The following CALN1 variants were observed in gnomAD, a reference collection of about 807,000 sequenced individuals.
CALN1 encodes calneuron 1.
A neutral mutation model predicts 30.6 loss-of-function variants in CALN1; 17 were observed. The ratio of observed to expected loss-of-function variants is 0.56; its 90% CI spans 0.38 to 0.83. CALN1 has a LOEUF of 0.83. Among genes scored for constraint, CALN1 ranks in the 40% least tolerant of loss-of-function variants. The probability of loss-of-function intolerance (pLI) is 0.00; values close to 1 mark genes in which losing one functional copy is unlikely to be tolerated. For synonymous variants in CALN1, 156 were observed against 131.4 expected (o/e 1.19, Z -1.28); for missense variants, 291 against 354.9 (o/e 0.82, Z 1.45).
intron 4 of CALN1, among the ~76,000 whole-genome samples, chr7:72,103,678 G>A (rs901419316): frequency 7.9e-5 from 12 of 152,082 alleles, no homozygotes; most frequent in South Asian, 2.1e-4. Context: ...TAAGAAGGGC[G>A]TGGACTAGAC....
In CALN1 at chr7:72,167,747, A is replaced by C. The variant is rs538869328; in HGVS notation, c.245-61453T>G. On this transcript the variant is annotated intron_variant, in intron 3 of 6. Coordinates refer to ENST00000395275, the MANE Select transcript of CALN1 (RefSeq NM_031468.4). ...TTCCCTTAAAGACAGACGTTGGAGAAAATTATTTGTAGGATGCACTTGACA... is the reference window on the plus strand; with the variant it reads ...TTCCCTTAAAGACAGACGTTGGAGACAATTATTTGTAGGATGCACTTGACA... Among the ~76,000 whole-genome samples, 7 of 152,344 alleles carry C rather than the reference A, an allele frequency of 4.6e-5. No homozygotes were observed. In the East Asian group the frequency reaches 1.3e-3, roughly 29 times the overall value.
intron 3 of CALN1, among the ~76,000 whole-genome samples, chr7:72,155,725 T>G (rs374786050): frequency 6.6e-6 from 1 of 152,138 alleles, no homozygotes; most frequent in Non-Finnish European, 1.5e-5. Flanking sequence ...ACCCTAACTC[T>G]ATGGCTTAAA....
intron 5 of CALN1, among the ~76,000 whole-genome samples, chr7:71,936,050 G>A (rs1435269540): frequency 6.6e-6 from 1 of 152,124 alleles, no homozygotes; most frequent in Admixed American, 6.6e-5. Context: ...ATAATACCCT[G>A]GAAGTTCTTC....
At chr7:72,032,507 C>A (rs1801522849) in intron 4 of CALN1, among the ~76,000 whole-genome samples, 1 of 152,130 alleles carries the variant, frequency 6.6e-6, no homozygotes, top group Non-Finnish European at 1.5e-5. Context: ...CTGGTATTAA[C>A]CCCCGTATTG....
intron 5 of CALN1, among the ~76,000 whole-genome samples, chr7:71,973,943 G>A (rs1005181472): frequency 6.6e-6 from 1 of 152,080 alleles, no homozygotes; most frequent in African/African-American, 2.4e-5. Flanking sequence ...AATTACCTTC[G>A]ATATACAAAA....
intron 6 of CALN1, among the ~76,000 whole-genome samples, chr7:71,797,240 ATT>A (rs1786982974): frequency 6.6e-6 from 1 of 152,168 alleles, no homozygotes. Flanking sequence ...AAGTCATATT[ATT>A]TCTGGCAGGG....
At chr7:72,102,936 G>C (rs1806782477) in intron 4 of CALN1, among the ~76,000 whole-genome samples, 1 of 152,032 alleles carries the variant, frequency 6.6e-6, no homozygotes, top group African/African-American at 2.4e-5. Context: ...AGCTGGGCAT[G>C]GTGGTGGGCA....
At chr7:71,867,109 C>T (rs976332061) in intron 5 of CALN1, among the ~76,000 whole-genome samples, 1 of 151,032 alleles carries the variant, frequency 6.6e-6, no homozygotes, top group African/African-American at 2.4e-5. Flanking sequence ...CACACCATTG[C>T]ACTCCAGCCT....
intron 2 of CALN1, among the ~76,000 whole-genome samples, chr7:72,332,272 C>T (rs532122990): frequency 1.3e-5 from 2 of 152,098 alleles, no homozygotes; most frequent in Non-Finnish European, 2.9e-5. Context: ...GTCATATTTA[C>T]ACCCACTTTT....
the CALN1 span, among the ~76,000 whole-genome samples, chr7:72,452,899 C>A: frequency 1.3e-5 from 2 of 152,132 alleles, no homozygotes; most frequent in African/African-American, 4.8e-5. Context: ...GGGCCAGGCT[C>A]TCCAGACCAC....
chr7:72,391,732 T>C (rs1805595556), intron 2 of CALN1, among the ~76,000 whole-genome samples: 5 of 152,020 alleles, frequency 3.3e-5, no homozygotes, highest in Admixed American at 3.3e-4. Context: ...TTTGTTTTTG[T>C]TTTTGCCTGC....
chr7:71,804,058 T>G (rs1787465230), intron 6 of CALN1, among the ~76,000 whole-genome samples: 2 of 152,068 alleles, frequency 1.3e-5, no homozygotes, highest in Non-Finnish European at 2.9e-5. Flanking sequence ...CCATCAAAAG[T>G]GCCACAATCT....
intron 3 of CALN1, among the ~76,000 whole-genome samples, chr7:72,275,541 G>C (rs1585331648): frequency 6.6e-6 from 1 of 152,272 alleles, no homozygotes; most frequent in East Asian, 1.9e-4. Context: ...AAATAAATAA[G>C]TAGAACGAAT....
chr7:72,074,903 T>G lies in CALN1; in HGVS notation c.388+31248A>C, dbSNP rs75627811. Among the ~76,000 whole-genome samples the G allele has an allele frequency of 9.0e-3, 1,373 of 152,356 alleles. 14 individuals are homozygous for G. The highest frequency in any genetic ancestry group is 0.029 in the African/African-American group (1,198 of 41,576). On this transcript the variant is annotated intron_variant, in intron 4 of 6. Transcript: ENST00000395275. ...GTAGATCACACTTCGAAGAAGTTAATAGTCTCATGAGATAAGATCTATAAA... is the reference window on the plus strand; with the variant it reads ...GTAGATCACACTTCGAAGAAGTTAAGAGTCTCATGAGATAAGATCTATAAA...
In CALN1 at chr7:71,787,622, T is replaced by C; in HGVS notation, c.*153A>G. 1 of 1,052,188 alleles carries C rather than the reference T, an allele frequency of 9.5e-7. No homozygotes were observed. The highest frequency in any genetic ancestry group is 2.7e-5 in the Admixed American group (1 of 36,878). 65.2% of individuals were successfully genotyped at this position (1,052,188 alleles called of 1,614,324 possible). On this transcript the variant is annotated 3_prime_UTR_variant, in exon 7 of 7. Coordinates refer to ENST00000395275, the MANE Select transcript of CALN1 (RefSeq NM_031468.4). ...AGATGAAGCTGAAGTGCAACCCCAG[T>C]TGCACTCAACCTTGGGTTCTTTACT... is the stretch of plus-strand genomic sequence containing the variant.
At chr7:71,807,846 TG>T (rs1394358158) in intron 6 of CALN1, among the ~76,000 whole-genome samples, 2 of 151,990 alleles carry the variant, frequency 1.3e-5, no homozygotes, top group Non-Finnish European at 2.9e-5. Context: ...GAGGCCGAGG[TG>T]GGCGGATTAC....
chr7:71,903,321 A>G (rs2116955184), intron 5 of CALN1, among the ~76,000 whole-genome samples: 1 of 152,292 alleles, frequency 6.6e-6, no homozygotes, highest in South Asian at 2.1e-4. Flanking sequence ...AGCTATAGTA[A>G]ACAAAGCAGT....
chr7:72,002,471 C>T (rs1051312767), intron 5 of CALN1, among the ~76,000 whole-genome samples: 10 of 152,104 alleles, frequency 6.6e-5, no homozygotes, highest in Admixed American at 3.3e-4. Context: ...ATACATATCA[C>T]TTTTGCATCA....
intron 4 of CALN1, among the ~76,000 whole-genome samples, chr7:72,092,816 C>A (rs1469157196): frequency 6.6e-6 from 1 of 152,094 alleles, no homozygotes; most frequent in Admixed American, 6.6e-5. Flanking sequence ...AGTGACAAAA[C>A]CCTTAAGAAT....
Sources: allele counts gnomAD v4.1 joint callset (sites outside exome capture counted in the v4.1 genomes callset), GRCh38; gene constraint gnomAD v4.1.1; transcripts MANE v1.5; gene names NCBI Gene and HGNC (gene_info 2026-07-23, HGNC 2026-07-21).